The following ZFHX3 variants were observed in gnomAD, a reference collection of about 807,000 sequenced individuals.
The protein encoded by ZFHX3 is zinc finger homeobox protein 3.
In ZFHX3, 42 loss-of-function variants were observed where a neutral mutation model predicts 279.1. The observed-to-expected ratio is 0.15, with a 90% CI of 0.12 to 0.19. The LOEUF (loss-of-function observed/expected upper bound fraction) is 0.19. Among genes scored for constraint, ZFHX3 ranks in the 10% least tolerant of loss-of-function variants. The pLI is 1.00. For missense variants in ZFHX3, 4,981 were observed against 4,754.0 expected (o/e 1.05, Z -1.40); for synonymous variants, 2,293 against 1,957.8 (o/e 1.17, Z -4.52).
intron 3 of ZFHX3, among the ~76,000 whole-genome samples, chr16:72,917,887 G>A (rs1258562854): frequency 1.3e-5 from 2 of 152,018 alleles, no homozygotes; most frequent in African/African-American, 2.4e-5. Context: ...ATATAAAGAC[G>A]ATCACCTTAC....
intron 8 of ZFHX3, among the ~76,000 whole-genome samples, chr16:73,089,775 C>A (rs1455026819): frequency 6.6e-6 from 1 of 152,210 alleles, no homozygotes; most frequent in African/African-American, 2.4e-5. Context: ...GATCGTCAAG[C>A]CTTTTGTTAA....
intron 5 of ZFHX3, among the ~76,000 whole-genome samples, chr16:73,169,511 G>A (rs1285402619): frequency 6.6e-6 from 1 of 152,194 alleles, no homozygotes; most frequent in East Asian, 1.9e-4. Context: ...GTGTGGTGGC[G>A]TGTGCCTGTA....
chr16:72,954,279 A>G (rs906185450), intron 2 of ZFHX3, among the ~76,000 whole-genome samples: 1 of 152,214 alleles, frequency 6.6e-6, no homozygotes, highest in African/African-American at 2.4e-5. Context: ...CAGAGGCAGA[A>G]GAATTGCTTG....
intron 4 of ZFHX3, among the ~76,000 whole-genome samples, chr16:72,858,923 T>C (rs1435908377): frequency 6.6e-6 from 1 of 152,184 alleles, no homozygotes; most frequent in Non-Finnish European, 1.5e-5. Context: ...ACAGCTCATC[T>C]AGAAAGCTGT....
rs12051095 is a variant in ZFHX3 at position 73,536,356 on chromosome 16, G to C, written c.-1546-80098C>G. Reference sequence around the variant, plus strand: ...AAAATAATAAAACAGGTTCTTGGTAGTGAAAATTTTGGGAGCTACAGCCTC... The same window carrying C: ...AAAATAATAAAACAGGTTCTTGGTACTGAAAATTTTGGGAGCTACAGCCTC... On this transcript the variant is annotated intron_variant, in intron 2 of 17. Transcript: ENST00000641206. Among the ~76,000 whole-genome samples, 4 of 152,320 alleles carry C rather than the reference G, an allele frequency of 2.6e-5. No homozygotes were observed. The East Asian group carries it at 5.8e-4, about 22-fold the overall frequency.
intron 1 of ZFHX3, among the ~76,000 whole-genome samples, chr16:72,995,507 T>C (rs1349962914): frequency 6.6e-6 from 1 of 152,312 alleles, no homozygotes; most frequent in Middle Eastern, 3.4e-3. Context: ...GACACCTTCT[T>C]TGTCCCTCCG....
At chr16:73,478,914 T>C (rs941601983) in intron 2 of ZFHX3, among the ~76,000 whole-genome samples, 2 of 152,046 alleles carry the variant, frequency 1.3e-5, no homozygotes, top group Non-Finnish European at 2.9e-5. Flanking sequence ...TAGCCAGGCA[T>C]GGTGGTGCGC....
At chr16:73,769,993 C>T (rs2053999673) in intron 1 of ZFHX3, among the ~76,000 whole-genome samples, 1 of 152,186 alleles carries the variant, frequency 6.6e-6, no homozygotes, top group Non-Finnish European at 1.5e-5. Context: ...TGACTGACTA[C>T]CATCCATGGT....
chr16:73,558,562 G>A (rs184573392), intron 2 of ZFHX3: 4 of 152,224 alleles, frequency 2.6e-5, no homozygotes, highest in Admixed American at 6.5e-5. Context: ...AACACAGAAA[G>A]CTGCAGTGCT....
chr16:73,064,663 C>T (rs989600023), upstream of ZFHX3, among the ~76,000 whole-genome samples: 3 of 152,166 alleles, frequency 2.0e-5, no homozygotes, highest in Admixed American at 2.0e-4. Flanking sequence ...AAACTTGGAG[C>T]GCCCGGATCC....
intron 4 of ZFHX3, among the ~76,000 whole-genome samples, chr16:72,867,410 T>C (rs752609062): frequency 2.0e-5 from 3 of 152,202 alleles, no homozygotes; most frequent in Non-Finnish European, 4.4e-5. Flanking sequence ...AACGATTTTA[T>C]AAGTGTGTCC....
rs76239888 is a variant in ZFHX3, at chr16:72,787,039, C to CTTTTTTTTTTTTTTTTTTTTTTT, written c.*124_*125insAAAAAAAAAAAAAAAAAAAAAAA. 3.2e-6 allele frequency: 2 copies of CTTTTTTTTTTTTTTTTTTTTTTT among 622,210 alleles called. No individual in the cohort carries two copies. The highest frequency in any genetic ancestry group is 2.6e-5 in the African/African-American group (1 of 38,088). The allele number at this position is 622,210 out of a possible 1,614,324, so 38.5% of individuals were successfully genotyped here. The stretch of plus-strand genomic sequence containing the variant: ...ACAACCCACGCTTTTTCTTTTTTTT[C>CTTTTTTTTTTTTTTTTTTTTTTT]TTTTTTTTTTTTTTTTTGTTTTTTG... On this transcript the variant is annotated 3_prime_UTR_variant, in exon 10 of 10. Transcript: ENST00000268489.
chr16:73,011,917 C>T (rs1293536373), intron 1 of ZFHX3, among the ~76,000 whole-genome samples: 1 of 152,124 alleles, frequency 6.6e-6, no homozygotes, highest in Admixed American at 6.5e-5. Context: ...AGGTAAGTTT[C>T]TATCGAGGGG....
At chr16:73,078,593 T>C (rs1372032673) in intron 8 of ZFHX3, among the ~76,000 whole-genome samples, 2 of 152,188 alleles carry the variant, frequency 1.3e-5, no homozygotes, top group Non-Finnish European at 2.9e-5. Context: ...CCCAGCCACC[T>C]GCCTCTGGAT....
intron 1 of ZFHX3, among the ~76,000 whole-genome samples, chr16:73,782,440 G>T (rs1294950805): frequency 6.6e-6 from 1 of 152,218 alleles, no homozygotes; most frequent in African/African-American, 2.4e-5. Flanking sequence ...CTACTCATGA[G>T]CAGCTATTTA....
intron 7 of ZFHX3, among the ~76,000 whole-genome samples, chr16:72,808,651 C>G (rs1339151778): frequency 6.6e-6 from 1 of 152,158 alleles, no homozygotes; most frequent in Non-Finnish European, 1.5e-5. Context: ...AAAACATCTC[C>G]ATGGTCTGCT....
chr16:72,908,615 GGT>G (rs2039245057), intron 3 of ZFHX3, among the ~76,000 whole-genome samples: 1 of 152,178 alleles, frequency 6.6e-6, no homozygotes, highest in Non-Finnish European at 1.5e-5. Context: ...CTTGCCTCTG[GGT>G]GTCAGTCCCG....
chr16:72,798,969 T>C (rs2036011256), intron 8 of ZFHX3, among the ~76,000 whole-genome samples: 1 of 152,242 alleles, frequency 6.6e-6, no homozygotes, highest in Non-Finnish European at 1.5e-5. Flanking sequence ...CAATGCATAA[T>C]AGACCCATGT....
At chr16:73,264,338 GGT>G (rs2013906037) in intron 4 of ZFHX3, among the ~76,000 whole-genome samples, 1 of 148,554 alleles carries the variant, frequency 6.7e-6, no homozygotes, top group African/African-American at 2.6e-5. Flanking sequence ...AGGGTTTCCT[GGT>G]TTCCATTAAA....
Sources: gnomAD v4.1 joint callset for allele counts (sites outside exome capture counted in the v4.1 genomes callset) on GRCh38, gnomAD v4.1.1 for gene constraint, MANE v1.5 for transcripts, NCBI Gene and HGNC (gene_info 2026-07-23, HGNC 2026-07-21) for gene names.